The following F13A1 variants were observed in gnomAD, a reference collection of about 807,000 sequenced individuals.
F13A1 encodes the protein coagulation factor XIII A chain.
In F13A1, 47 loss-of-function variants were observed where a neutral mutation model predicts 80.1. The observed-to-expected ratio is 0.59, with a 90% confidence interval of 0.46 to 0.75. F13A1 has a LOEUF of 0.75. Ranked by LOEUF, F13A1 falls within the 30% of genes least tolerant of loss-of-function variation. F13A1 has a pLI of 0.00. For synonymous variants in F13A1, 349 were observed against 344.9 expected, an observed-to-expected ratio of 1.01 and a Z score of -0.13; for missense variants, 817 against 930.4, an observed-to-expected ratio of 0.88 and a Z score of 1.59.
chr6:6,186,147 A>G (rs1210670037), intron 10 of F13A1, among the ~76,000 whole-genome samples: 3 of 150,858 alleles, frequency 2.0e-5, no homozygotes, highest in African/African-American at 7.3e-5. Context: ...AGTAGGTTGC[A>G]AAAATTTTCT....
chr6:6,195,759 G>A, intron 10 of F13A1, 38 bp downstream of exon 10: 2 of 1,569,700 alleles, frequency 1.3e-6, no homozygotes, highest in Non-Finnish European at 1.8e-6. Context: ...TAAGAGGTTG[G>A]GGAGAAAAAC....
At chr6:6,228,268 G>A (rs1757303077) in intron 6 of F13A1, among the ~76,000 whole-genome samples, 1 of 152,002 alleles carries the variant, frequency 6.6e-6, no homozygotes, top group Non-Finnish European at 1.5e-5. Flanking sequence ...ACCCCTAAAA[G>A]TCATTATCAG....
At chr6:6,282,999 A>G (rs1758086963) in intron 3 of F13A1, among the ~76,000 whole-genome samples, 1 of 152,196 alleles carries the variant, frequency 6.6e-6, no homozygotes, top group Admixed American at 6.5e-5. Flanking sequence ...CTTCCTGGGC[A>G]CTCAACCTGT....
chr6:6,214,997 G>T (rs1377565995), intron 8 of F13A1, among the ~76,000 whole-genome samples: 5 of 70,726 alleles, frequency 7.1e-5, no homozygotes, highest in Non-Finnish European at 5.7e-5. Flanking sequence ...TTGAATCTCT[G>T]AATAGACCAA....
intron 2 of F13A1, among the ~76,000 whole-genome samples, chr6:6,316,664 G>A (rs992251597): frequency 6.6e-6 from 1 of 152,168 alleles, no homozygotes; most frequent in African/African-American, 2.4e-5. Context: ...ATAGGAACAA[G>A]TATTCCCTGG....
In F13A1 at chr6:6,222,149, T is replaced by G. The variant is rs5981; in HGVS notation, c.996A>C (p.Pro332=). The part of the protein sequence containing the change: ...FNTFLRCLGI[P]ARIVTNYFSA... ...AGAAATAATTGGTAACAATTCTTGCTGGTATTCCAAGGCATCGTAAAACTA... is the reference window on the plus strand; with the variant it reads ...AGAAATAATTGGTAACAATTCTTGCGGGTATTCCAAGGCATCGTAAAACTA... The change falls in exon 8 of 15, where the codon CCA becomes CCC. Residue 332 remains proline, a synonymous_variant. Transcript: ENST00000264870. 295,861 of 1,613,808 alleles carry G rather than the reference T, an allele frequency of 0.18. 28,921 individuals carry two copies. Among genetic ancestry groups the G allele is most frequent in the Non-Finnish European group, 0.2 (241,092 of 1,179,756 alleles).
chr6:6,289,149 T>G (rs1460443935), intron 3 of F13A1, among the ~76,000 whole-genome samples: 8 of 152,184 alleles, frequency 5.3e-5, no homozygotes, highest in Admixed American at 2.0e-4. Context: ...AATAGTATAG[T>G]CCTTATTTGC....
At chr6:6,290,601 T>G (rs1210575431) in intron 3 of F13A1, among the ~76,000 whole-genome samples, 2 of 152,186 alleles carry the variant, frequency 1.3e-5, no homozygotes, top group Admixed American at 6.5e-5. Context: ...CACAGCATGA[T>G]CCAACTGTAT....
intron 4 of F13A1, among the ~76,000 whole-genome samples, chr6:6,255,718 C>A (rs945538753): frequency 6.6e-6 from 1 of 151,996 alleles, no homozygotes; most frequent in Non-Finnish European, 1.5e-5. Flanking sequence ...ACTAGGCCAC[C>A]CTTTCCCTTC....
At chr6:6,234,860 CTTAAAA>C (rs899463888) in intron 6 of F13A1, among the ~76,000 whole-genome samples, 18 of 151,840 alleles carry the variant, frequency 1.2e-4, no homozygotes, top group African/African-American at 2.2e-4. Context: ...TTCAATAAAA[CTTAAAA>C]TTAAATAGAA....
intron 8 of F13A1, among the ~76,000 whole-genome samples, chr6:6,209,048 G>A (rs542683570): frequency 6.6e-6 from 1 of 152,230 alleles, no homozygotes; most frequent in African/African-American, 2.4e-5. Context: ...AAAGTGAAAA[G>A]AGAGCCCATG....
At chr6:6,308,606 CTT>C (rs770570204) in intron 2 of F13A1, among the ~76,000 whole-genome samples, 439 of 88,818 alleles carry the variant, frequency 4.9e-3, no homozygotes, top group Admixed American at 0.014. Context: ...AAAACACATT[CTT>C]TTTTTTTTTT....
At chr6:6,284,693 A>T (rs1198152596) in intron 3 of F13A1, among the ~76,000 whole-genome samples, 1 of 152,138 alleles carries the variant, frequency 6.6e-6, no homozygotes, top group Non-Finnish European at 1.5e-5. Context: ...TTTCCTTCTC[A>T]CTAGAAGCTT....
At chr6:6,184,694 T>C (rs1761047468) in intron 10 of F13A1, among the ~76,000 whole-genome samples, 1 of 152,170 alleles carries the variant, frequency 6.6e-6, no homozygotes, top group Non-Finnish European at 1.5e-5. Flanking sequence ...TTATAACAGC[T>C]TGTGGTTTTC....
intron 6 of F13A1, among the ~76,000 whole-genome samples, chr6:6,226,956 CA>C (rs1275336606): frequency 4.7e-5 from 7 of 148,296 alleles, no homozygotes; most frequent in Non-Finnish European, 9.1e-5. Context: ...AGGGAGATGA[CA>C]GGCAAACTGG....
rs3024359 is a variant in F13A1 at position 6,266,372 on chromosome 6, C to T, written c.571+186G>A. Among the ~76,000 whole-genome samples, 314 of 152,268 alleles carry T rather than the reference C, an allele frequency of 2.1e-3. 2 individuals carry two copies. The highest frequency in any genetic ancestry group is 7.1e-3 in the African/African-American group (296 of 41,544). On this transcript the variant is annotated intron_variant, in intron 4 of 14. Coordinates refer to ENST00000264870, the MANE Select transcript of F13A1 (RefSeq NM_000129.4). Reference sequence around the variant, plus strand: ...TCAGCCTCCCAAGTAGCTGGGAGTACAGGTGTGCACCACCACACCCATCTA... The same window carrying T: ...TCAGCCTCCCAAGTAGCTGGGAGTATAGGTGTGCACCACCACACCCATCTA...
chr6:6,295,920 G>A (rs1156454326), intron 3 of F13A1, among the ~76,000 whole-genome samples: 2 of 142,110 alleles, frequency 1.4e-5, no homozygotes, highest in African/African-American at 3.0e-5. Context: ...ATTGATTTTT[G>A]TATAAGCTGT....
At chr6:6,201,038 C>G (rs1176878145) in intron 8 of F13A1, among the ~76,000 whole-genome samples, 2 of 152,288 alleles carry the variant, frequency 1.3e-5, no homozygotes, top group African/African-American at 4.8e-5. Context: ...TGAATGGACG[C>G]CGTCCTGCTT....
intron 3 of F13A1, among the ~76,000 whole-genome samples, chr6:6,279,620 T>G (rs922940479): frequency 2.6e-5 from 4 of 152,128 alleles, no homozygotes; most frequent in African/African-American, 9.7e-5. Context: ...TTTCATGTTC[T>G]CAGTCAGCTC....
Sources: gnomAD v4.1 joint callset for allele counts (sites outside exome capture counted in the v4.1 genomes callset) on GRCh38, gnomAD v4.1.1 for gene constraint, MANE v1.5 for transcripts, NCBI Gene and HGNC (gene_info 2026-07-23, HGNC 2026-07-21) for gene names.